Variants in HNF1A observed in about 807,000 individuals in gnomAD.
HNF1A encodes the protein HNF1 homeobox A.
Under a neutral mutation model 62.2 loss-of-function variants are expected in HNF1A, and 21 were observed. That is an observed-to-expected ratio of 0.34 (90% CI 0.24 to 0.49). The LOEUF is 0.49. Among genes scored for constraint, HNF1A ranks in the 20% least tolerant of loss-of-function variants. The probability of loss-of-function intolerance (pLI) is 0.99; values close to 1 mark genes in which losing one functional copy is unlikely to be tolerated. For missense variants in HNF1A, 687 were observed against 832.3 expected, an observed-to-expected ratio of 0.83 and a Z score of 2.15; for synonymous variants, 374 against 366.8, an observed-to-expected ratio of 1.02 and a Z score of -0.22.
chr12:120,997,599 C>T lies in HNF1A; in HGVS notation c.1435C>T (p.Pro479Ser). The T allele has an allele frequency of 6.2e-7, 1 of 1,613,898 alleles. No individual in the cohort carries two copies. The highest frequency in any genetic ancestry group is 8.5e-7 in the Non-Finnish European group (1 of 1,179,996). Reference sequence around the variant, plus strand: ...CTCCTACCAGCAGCCGCTCATGCCACCTGTGCAGAGCCATGTGACCCAGAG... The same window carrying T: ...CTCCTACCAGCAGCCGCTCATGCCATCTGTGCAGAGCCATGTGACCCAGAG... ...HPSYQQPLMP[P>S]VQSHVTQSPF... Residue 479 changes from proline to serine, a missense_variant, in exon 7 of 10, where the codon CCT becomes TCT. By Grantham distance (74) the Pro-to-Ser change is moderately conservative. Transcript: ENST00000257555.
At chr12:120,994,505 T>G (rs1876992870) in intron 4 of HNF1A, 100 bp downstream of exon 4, 1 of 1,367,942 alleles carries the variant, frequency 7.3e-7, no homozygotes, top group Admixed American at 2.2e-5. Flanking sequence ...GCACTTCAGT[T>G]TGGTTCCATT....
chr12:120,989,954 C>T lies in HNF1A; in HGVS notation c.526+922C>T, dbSNP rs181200015. ...AGTAAAGGCTCAGAGGCAAGGTCTA[C>T]GGTCAGGAAATCCTCCACTGCAAAC... On this transcript the variant is annotated intron_variant, in intron 2 of 9. Transcript: ENST00000257555. Among the ~76,000 whole-genome samples the T allele has an allele frequency of 4.6e-3, 704 of 152,110 alleles. 2 individuals are homozygous for T. Among genetic ancestry groups the T allele is most frequent in the Non-Finnish European group, 7.8e-3 (529 of 67,984 alleles).
At chr12:120,987,474 C>CAA (rs59729082) in intron 1 of HNF1A, among the ~76,000 whole-genome samples, 3 of 62,254 alleles carry the variant, frequency 4.8e-5, no homozygotes, top group African/African-American at 1.1e-4. Flanking sequence ...GACTCCATCT[C>CAA]AAAAAAAAAA....
intron 1 of HNF1A, among the ~76,000 whole-genome samples, chr12:120,987,589 A>AATATATATATATATATATACAC (rs1876578772): frequency 5.3e-5 from 1 of 18,796 alleles, no homozygotes; most frequent in African/African-American, 1.5e-4. Context: ...CATTTTTAAA[A>AATATATATATATATATATACAC]ATATATATAT....
In HNF1A at chr12:121,001,114, C is replaced by A. The variant is rs2135854581; in HGVS notation, c.1818C>A (p.Gly606=). 3.1e-6 allele frequency: 5 copies of A among 1,614,006 alleles called. No homozygotes were observed. The highest frequency in any genetic ancestry group is 4.2e-6 in the Non-Finnish European group (5 of 1,179,968). The change falls in exon 10 of 10, where the codon GGC becomes GGA. Residue 606 remains glycine (G), a synonymous_variant. Coordinates refer to ENST00000257555, the MANE Select transcript of HNF1A (RefSeq NM_000545.8). Reference sequence around the variant, plus strand: ...ACCAGAGCTCAGACTCCAGCAATGGCCAGAGCCACCTGCTGCCATCCAACC... The same window carrying A: ...ACCAGAGCTCAGACTCCAGCAATGGACAGAGCCACCTGCTGCCATCCAACC... ...VLYQSSDSSN[G]QSHLLPSNHS... is the part of the protein sequence containing the mutation.
chr12:120,995,272 A>T (rs891979700), intron 4 of HNF1A, among the ~76,000 whole-genome samples: 2 of 148,906 alleles, frequency 1.3e-5, no homozygotes, highest in Non-Finnish European at 3.0e-5. Context: ...GCTCCACTCC[A>T]TCCACTCCAC....
In HNF1A at chr12:120,978,792, G is replaced by A. The variant is rs1322764599; in HGVS notation, c.24G>A (p.Leu8=). Residue 8 remains leucine, a synonymous_variant, in exon 1 of 10, where the codon CTG becomes CTA. Coordinates refer to ENST00000257555, the MANE Select transcript of HNF1A (RefSeq NM_000545.8). MVSKLSQ[L]QTELLAALLE... ...CCATGGTTTCTAAACTGAGCCAGCT[G>A]CAGACGGAGCTCCTGGCGGCCCTGC... The A allele has an allele frequency of 6.2e-7, 1 of 1,613,104 alleles. No homozygotes were observed. Among genetic ancestry groups the A allele is most frequent in the East Asian group, 2.2e-5 (1 of 44,872 alleles).
In HNF1A at chr12:121,001,135, C is replaced by G; in HGVS notation, c.1839C>G (p.Ser613=). The G allele has an allele frequency of 6.2e-7, 1 of 1,614,100 alleles. No individual in the cohort carries two copies. Residue 613 remains serine (S), a synonymous_variant, in exon 10 of 10, where the codon TCC becomes TCG. Transcript: ENST00000257555. ...ATGGCCAGAGCCACCTGCTGCCATC[C>G]AACCACAGCGTCATCGAGACCTTCA... ...SSNGQSHLLP[S]NHSVIETFIS... is the part of the protein sequence containing the mutation.
chr12:120,978,911 A>T lies in HNF1A; in HGVS notation c.143A>T (p.Glu48Val). 1.2e-6 allele frequency: 2 copies of T among 1,612,444 alleles called. No homozygotes were observed. Among genetic ancestry groups the T allele is most frequent in the Non-Finnish European group, 1.7e-6 (2 of 1,179,372 alleles). ...LAGEGPLDKG[E>V]SCGGGRGELA... ...GGAGAAGGCCCCCTGGACAAGGGGG[A>T]GTCCTGCGGCGGCGGTCGAGGGGAG... is the stretch of plus-strand genomic sequence containing the variant. The change falls in exon 1 of 10, where the codon GAG (glutamate) becomes GTG (valine). Residue 48 changes from glutamate to valine, a missense_variant. Coordinates refer to ENST00000257555, the MANE Select transcript of HNF1A (RefSeq NM_000545.8).
At position 121,001,495 on chromosome 12, in the gene HNF1A, AG is replaced by A; in HGVS notation, c.*308del. ...ATACAGTCTTCTTACTTGGAACTGAAGGGGGCGGCCTATGACTTGGGCACCC... is the reference window on the plus strand; with the variant it reads ...ATACAGTCTTCTTACTTGGAACTGAAGGGGCGGCCTATGACTTGGGCACCC... On this transcript the variant is annotated 3_prime_UTR_variant, in exon 10 of 10. Transcript: ENST00000257555. 1 of 467,704 alleles carries A rather than the reference AG, an allele frequency of 2.1e-6. No homozygotes were observed. The highest frequency in any genetic ancestry group is 2.1e-5 in the South Asian group (1 of 48,032). The allele number at this position is 467,704 out of a possible 1,614,324, so 29.0% of individuals were successfully genotyped here.
Position 121,001,552 on chromosome 12 carries a change from C to T in HNF1A, c.*360C>T, listed in dbSNP as rs947584271. The T allele has an allele frequency of 2.0e-5, 9 of 443,272 alleles. No individual in the cohort carries two copies. In the East Asian group the frequency reaches 2.4e-4, roughly 12 times the overall value. The allele number at this position is 443,272 out of a possible 1,614,324, so 27.5% of individuals were successfully genotyped here. ...CTGGGCCTATGGAGAGCCCTGGGACCGCTACACCACTCTGGCAGCCACACT... is the reference window on the plus strand; with the variant it reads ...CTGGGCCTATGGAGAGCCCTGGGACTGCTACACCACTCTGGCAGCCACACT... On this transcript the variant is annotated 3_prime_UTR_variant, in exon 10 of 10. Transcript: ENST00000257555.
intron 3 of HNF1A, 133 bp downstream of exon 3, chr12:120,993,839 C>T: frequency 3.0e-6 from 3 of 994,626 alleles, no homozygotes; most frequent in Non-Finnish European, 4.5e-6. Flanking sequence ...TAGCCTGGCC[C>T]AGAAAATTGA....
In HNF1A at chr12:120,978,643, T is replaced by TG. The variant is rs754470733; in HGVS notation, c.-119dup. On this transcript the variant is annotated 5_prime_UTR_variant, in exon 1 of 10. Transcript: ENST00000257555. ...CCACAGGGCTTGGCTAGTGGGGTTT[T>TG]GGGGGGGCAGTGGGTGCAAGGAGTT... 7.5e-5 allele frequency: 67 copies of TG among 895,408 alleles called. No individual in the cohort carries two copies. Among genetic ancestry groups the TG allele is most frequent in the Middle Eastern group, 2.5e-4 (1 of 3,936 alleles). 55.5% of individuals were successfully genotyped at this position (895,408 alleles called of 1,614,324 possible). A position where few individuals can be genotyped will look rare whatever the true frequency, so the allele number is the denominator to read the frequency against.
In HNF1A at chr12:120,996,499, G is replaced by A; in HGVS notation, c.1108-42G>A. ...GAGCAGTCCCTAGGGAGGCCCTGTG[G>A]GGACCCCGGCCCCCCGGACACAGCT... On this transcript the variant is annotated intron_variant, in intron 5 of 9. Coordinates refer to ENST00000257555, the MANE Select transcript of HNF1A (RefSeq NM_000545.8). This position sits in a 1 kb window ranked among gnomAD's most constrained non-coding sequence, Gnocchi z 4.5. 6.2e-7 allele frequency: 1 copy of A among 1,613,078 alleles called. No homozygotes were observed. Among genetic ancestry groups the A allele is most frequent in the Non-Finnish European group, 8.5e-7 (1 of 1,179,754 alleles).
rs2135842783 is a variant in HNF1A, at chr12:120,994,402, C to A, written c.952C>A (p.His318Asn). Reference sequence around the variant, plus strand: ...ACCTGCCCTCTCCCCCAGTAAGGTCCACGGTAAGTGGTATGTGGGGACAAG... The same window carrying A: ...ACCTGCCCTCTCCCCCAGTAAGGTCAACGGTAAGTGGTATGTGGGGACAAG... ...PPPALSPSKV[H>N]GVRYGQPATS... Residue 318 changes from histidine to asparagine, a missense_variant, in exon 4 of 10, where the codon CAC (histidine) becomes AAC (asparagine). By Grantham distance (68) the His-to-Asn change is moderately conservative. Coordinates refer to ENST00000257555, the MANE Select transcript of HNF1A (RefSeq NM_000545.8). The A allele has an allele frequency of 6.3e-7, 1 of 1,588,782 alleles. No homozygotes were observed. Among genetic ancestry groups the A allele is most frequent in the Non-Finnish European group, 8.6e-7 (1 of 1,166,934 alleles).
chr12:121,000,948 C>T, intron 9 of HNF1A, 117 bp from the exon 10 acceptor site: 1 of 1,402,938 alleles, frequency 7.1e-7, no homozygotes, highest in Non-Finnish European at 1.0e-6. Flanking sequence ...TTCCTGTTAT[C>T]TGCTGTGATC....
intron 7 of HNF1A, chr12:120,998,062 T>C: frequency 4.5e-6 from 2 of 448,986 alleles, no homozygotes; most frequent in Non-Finnish European, 8.2e-6. Context: ...GGCAGATCAC[T>C]TGAGGTCAGG....
At chr12:120,980,236 C>G (rs373559368) in intron 1 of HNF1A, among the ~76,000 whole-genome samples, 2 of 152,176 alleles carry the variant, frequency 1.3e-5, no homozygotes, top group African/African-American at 4.8e-5. Context: ...CTACTCTGTT[C>G]GGTGCTCTCA....
intron 1 of HNF1A, among the ~76,000 whole-genome samples, chr12:120,983,188 A>C (rs1336658210): frequency 2.6e-5 from 4 of 152,194 alleles, no homozygotes; most frequent in Non-Finnish European, 4.4e-5. Flanking sequence ...GAGGAGGAAG[A>C]TGTGGGCGGG....
Sources: gnomAD v4.1 joint callset for allele counts (sites outside exome capture counted in the v4.1 genomes callset) on GRCh38, gnomAD v4.1.1 for gene constraint, Gnocchi (gnomAD v3.1) non-coding constraint, MANE v1.5 for transcripts, NCBI Gene and HGNC (gene_info 2026-07-23, HGNC 2026-07-21) for gene names.